C16orf95: variants seen among roughly 807,000 people sequenced by gnomAD.
The protein encoded by C16orf95 is chromosome 16 open reading frame 95.
Under a neutral mutation model 32.1 loss-of-function variants are expected in C16orf95, and 41 were observed. The observed-to-expected ratio is 1.28, with a 90% CI of 1.00 to 1.66. The LOEUF (loss-of-function observed/expected upper bound fraction) is 1.66, where lower values mean the gene tolerates loss of function less well. C16orf95 is among the 40% of genes most tolerant of loss of function. The pLI, the probability that C16orf95 is intolerant of heterozygous loss-of-function variation, is 0.00. For missense variants in C16orf95, 399 were observed against 325.9 expected (o/e 1.22, Z -1.73); for synonymous variants, 147 against 128.9 (o/e 1.14, Z -0.95).
Position 87,307,191 on chromosome 16 carries a change from G to A in C16orf95, c.515-1286C>T, listed in dbSNP as rs76842744. Among the ~76,000 whole-genome samples the A allele has an allele frequency of 9.7e-3, 1,474 of 152,276 alleles. 31 individuals are homozygous for A. The highest frequency in any genetic ancestry group is 0.034 in the African/African-American group (1,425 of 41,560). ...TGGTGCACCAAGAGAAGGACATGAT[G>A]CCAGCCCAGAAAACACAGACACGGC... On this transcript the variant is annotated intron_variant, in intron 5 of 6. Coordinates refer to ENST00000567970, the MANE Select transcript of C16orf95 (RefSeq NM_001195124.3).
At chr16:87,313,722 G>A (rs1364289054) in intron 3 of C16orf95, among the ~76,000 whole-genome samples, 5 of 151,932 alleles carry the variant, frequency 3.3e-5, no homozygotes, top group African/African-American at 7.3e-5. Context: ...AGTGAGGCCC[G>A]GTCTCAAAAA....
intron 3 of C16orf95, among the ~76,000 whole-genome samples, 168 bp downstream of exon 3, chr16:87,314,803 C>T (rs954351812): frequency 6.6e-6 from 1 of 152,194 alleles, no homozygotes. Flanking sequence ...GCTACAACGA[C>T]AGCACATTAC....
chr16:87,303,937 A>G (rs889608), intron 6 of C16orf95, among the ~76,000 whole-genome samples: 65,144 of 151,930 alleles, frequency 0.43, 15,086 homozygotes, highest in African/African-American at 0.58. Flanking sequence ...CATCTTACCA[A>G]GTAATTTGAG....
chr16:87,304,529 CAAAG>C (rs1388394160), intron 6 of C16orf95, among the ~76,000 whole-genome samples: 2 of 152,310 alleles, frequency 1.3e-5, no homozygotes, highest in Middle Eastern at 3.4e-3. Context: ...AGAAAAACGA[CAAAG>C]AAGGAAAGCT....
chr16:87,316,598 G>A (rs950019985), intron 1 of C16orf95, among the ~76,000 whole-genome samples: 1 of 152,040 alleles, frequency 6.6e-6, no homozygotes, highest in African/African-American at 2.4e-5. Flanking sequence ...GCCCTCCACA[G>A]CATCCGAGGC....
At chr16:87,310,020 C>G (rs1434875933) in intron 5 of C16orf95, among the ~76,000 whole-genome samples, 1 of 152,100 alleles carries the variant, frequency 6.6e-6, no homozygotes, top group Non-Finnish European at 1.5e-5. Context: ...GAGGTCTCAT[C>G]CAAGCCCAGG....
rs1267165515 is a variant in C16orf95 at position 87,315,066 on chromosome 16, C to T, written c.235G>A (p.Glu79Lys). The T allele has an allele frequency of 4.6e-6, 7 of 1,536,040 alleles. No individual in the cohort carries two copies. The East Asian group carries it at 1.2e-4, about 27-fold the overall frequency. Residue 79 changes from glutamate to lysine, a missense_variant, in exon 3 of 7, where the codon GAA becomes AAA. By Grantham distance (56) the Glu-to-Lys change is moderately conservative. Transcript: ENST00000567970. ...CGGCCCCCGAATCTGGTCTGGCATT[C>T]ACAGCAGATGGCCCAGGGGCCAGGG... ...MHPGPWAICC[E>K]CQTRFGGRLP...
At chr16:87,304,301 A>ACCCGG (rs113672981) in intron 6 of C16orf95, among the ~76,000 whole-genome samples, 23 of 32,840 alleles carry the variant, frequency 7.0e-4, no homozygotes, top group African/African-American at 2.5e-3. Flanking sequence ...AGGCCACCAC[A>ACCCGG]CCTTGCCCAT....
chr16:87,313,047 T>A (rs1214734986), intron 3 of C16orf95, among the ~76,000 whole-genome samples: 1 of 152,098 alleles, frequency 6.6e-6, no homozygotes, highest in Non-Finnish European at 1.5e-5. Flanking sequence ...TAGAAATGTA[T>A]CATGTTTATG....
chr16:87,304,427 GTTC>G (rs1910919479), intron 6 of C16orf95, among the ~76,000 whole-genome samples: 1 of 135,028 alleles, frequency 7.4e-6, no homozygotes, highest in South Asian at 2.4e-4. Flanking sequence ...AAGGCCAAGT[GTTC>G]TTCTTTGCTT....
Position 87,315,032 on chromosome 16 carries a change from A to T in C16orf95, c.269T>A (p.Val90Glu). 1 of 1,536,100 alleles carries T rather than the reference A, an allele frequency of 6.5e-7. No homozygotes were observed. Among genetic ancestry groups the T allele is most frequent in the Non-Finnish European group, 8.7e-7 (1 of 1,146,872 alleles). ...AGGCAGTGCTGCTTCCACCCTGGAC[A>T]CAGGCAGGCGGCCCCCGAATCTGGT... ...CQTRFGGRLPVSRVEAALPYW... is the reference protein window; with the variant it reads ...CQTRFGGRLPESRVEAALPYW... Residue 90 changes from valine to glutamate, a missense_variant, in exon 3 of 7, where the codon GTG becomes GAG. By Grantham distance (121) the Val-to-Glu change is moderately radical. Transcript: ENST00000567970.
chr16:87,307,458 G>T (rs1911078920), intron 5 of C16orf95, among the ~76,000 whole-genome samples: 1 of 117,942 alleles, frequency 8.5e-6, no homozygotes, highest in Admixed American at 8.1e-5. Context: ...GTAGAAAATG[G>T]AATTAAAAGA....
rs551978820 is a variant in C16orf95, at chr16:87,309,271, T to C, written c.514+1026A>G. Among the ~76,000 whole-genome samples the C allele has an allele frequency of 1.3e-4, 19 of 151,966 alleles. 1 individual carries two copies. In the Middle Eastern group the frequency reaches 0.021, roughly 164 times the overall value. On this transcript the variant is annotated intron_variant, in intron 5 of 6. Transcript: ENST00000567970. ...AATTAGATCCTGTTCAGATATGTTA[T>C]AATAAGTTAGTATCAGTTTAGTTTG...
intron 6 of C16orf95, among the ~76,000 whole-genome samples, chr16:87,304,725 A>G (rs565507548): frequency 3.9e-5 from 6 of 152,198 alleles, no homozygotes; most frequent in Admixed American, 1.3e-4. Context: ...GCAACGTCCA[A>G]CTCTAGGAGA....
chr16:87,313,975 G>A (rs981294002), intron 3 of C16orf95, among the ~76,000 whole-genome samples: 25 of 152,106 alleles, frequency 1.6e-4, no homozygotes, highest in Admixed American at 9.8e-4. Flanking sequence ...TGAAAACTAC[G>A]ATGAGACAGA....
Position 87,305,967 on chromosome 16 carries a change from G to C in C16orf95, c.515-62C>G. On this transcript the variant is annotated intron_variant, in intron 5 of 6. Transcript: ENST00000567970. This position sits in a 1 kb window ranked among gnomAD's most constrained non-coding sequence, Gnocchi z 4.2. ...TTCTCCGGGACTCTGTGAGCCACGA[G>C]GAGGCTGCAACACCAGCCCCAGAGC... is the stretch of plus-strand genomic sequence containing the variant. 7.7e-7 allele frequency: 1 copy of C among 1,293,294 alleles called. No individual in the cohort carries two copies. The highest frequency in any genetic ancestry group is 1.0e-6 in the Non-Finnish European group (1 of 1,000,624). 80.1% of individuals were successfully genotyped at this position (1,293,294 alleles called of 1,614,324 possible).
chr16:87,306,813 T>C (rs897595436), intron 5 of C16orf95, among the ~76,000 whole-genome samples: 1 of 152,218 alleles, frequency 6.6e-6, no homozygotes. Flanking sequence ...ACATTACTTA[T>C]ATAAGTCACC....
chr16:87,310,365 C>T, intron 4 of C16orf95, 32 bp from the exon 5 acceptor site: 1 of 1,535,632 alleles, frequency 6.5e-7, no homozygotes. Context: ...AAGCAGTCAG[C>T]CTGGCGACCC....
At chr16:87,316,559 T>A (rs375311331) in intron 1 of C16orf95, among the ~76,000 whole-genome samples, 1 of 152,152 alleles carries the variant, frequency 6.6e-6, no homozygotes, top group Non-Finnish European at 1.5e-5. Context: ...CTCTCCCAGA[T>A]AATGCTTGAA....
Sources: allele counts gnomAD v4.1 joint callset (sites outside exome capture counted in the v4.1 genomes callset), GRCh38; gene constraint gnomAD v4.1.1; non-coding constraint Gnocchi (gnomAD v3.1); transcripts MANE v1.5; gene names NCBI Gene and HGNC (gene_info 2026-07-23, HGNC 2026-07-21).